Variants in RBFOX2 observed in about 807,000 individuals in gnomAD.
The protein encoded by RBFOX2 is RNA binding fox-1 homolog 2, also known as RNA binding protein fox-1 homolog 2.
RBFOX2 carries 10 observed loss-of-function variants against 49.1 expected under a neutral mutation model. That is an observed-to-expected ratio of 0.20 (90% CI 0.13 to 0.35). RBFOX2 has a LOEUF of 0.35. Ranked by LOEUF, RBFOX2 falls within the 10% of genes least tolerant of loss-of-function variation. The pLI is 1.00. For synonymous variants in RBFOX2, 183 were observed against 187.4 expected, an observed-to-expected ratio of 0.98 and a Z score of 0.19; for missense variants, 323 against 486.9, an observed-to-expected ratio of 0.66 and a Z score of 3.17.
At chr22:35,904,292 CA>C (rs935282936) in intron 1 of RBFOX2, among the ~76,000 whole-genome samples, 2 of 152,152 alleles carry the variant, frequency 1.3e-5, no homozygotes, top group Non-Finnish European at 2.9e-5. Flanking sequence ...TAGCAGTTAC[CA>C]AAATCTTTAA....
intron 1 of RBFOX2, among the ~76,000 whole-genome samples, chr22:35,908,293 A>G (rs2049351437): frequency 1.3e-5 from 2 of 152,204 alleles, no homozygotes; most frequent in Non-Finnish European, 2.9e-5. Context: ...TTACAATGGG[A>G]TTTTGTCCCT....
chr22:35,961,683 C>T, upstream of RBFOX2: 3 of 1,303,158 alleles, frequency 2.3e-6, no homozygotes, highest in South Asian at 2.5e-5. Flanking sequence ...GGTAACCTCA[C>T]CTCCTCCTGC....
At chr22:35,809,813 G>C in exon 2 of RBFOX2, 1 of 1,613,992 alleles carries the variant, frequency 6.2e-7, no homozygotes, top group South Asian at 1.1e-5. Flanking sequence ...TGGGTGAGTT[G>C]CTGCTCTGCT....
chr22:35,873,909 G>T (rs531761630), intron 1 of RBFOX2, among the ~76,000 whole-genome samples: 6 of 152,168 alleles, frequency 3.9e-5, no homozygotes, highest in African/African-American at 1.4e-4. Context: ...TCGAACTCCT[G>T]GCCTCAAGTG....
chr22:35,999,035 G>A (rs2058304567), intron 1 of RBFOX2: 1 of 152,496 alleles, frequency 6.6e-6, no homozygotes, highest in South Asian at 2.1e-4. Context: ...GCAACATGAG[G>A]AAGCCAACAG....
intron 1 of RBFOX2, chr22:35,897,282 G>A: frequency 6.6e-7 from 1 of 1,508,178 alleles, no homozygotes. Context: ...GACGGTCTTG[G>A]CCAGCTTCAC....
At chr22:35,812,278 A>G (rs1603257899) in intron 1 of RBFOX2, among the ~76,000 whole-genome samples, 2 of 152,048 alleles carry the variant, frequency 1.3e-5, no homozygotes, top group Non-Finnish European at 2.9e-5. Context: ...AAGATAGAAA[A>G]AAAAAAAAAC....
chr22:35,789,254 G>A (rs1982768264), intron 2 of RBFOX2, among the ~76,000 whole-genome samples: 1 of 152,114 alleles, frequency 6.6e-6, no homozygotes, highest in African/African-American at 2.4e-5. Context: ...GTGGATAAGA[G>A]ACCGTAGGCC....
At chr22:35,913,951 T>C (rs1268553982) in intron 1 of RBFOX2, among the ~76,000 whole-genome samples, 1 of 152,176 alleles carries the variant, frequency 6.6e-6, no homozygotes, top group Non-Finnish European at 1.5e-5. Context: ...TTTGCTGCTT[T>C]CAGGTGATGG....
chr22:35,899,474 A>T (rs2048300934), intron 1 of RBFOX2, among the ~76,000 whole-genome samples: 1 of 151,756 alleles, frequency 6.6e-6, no homozygotes, highest in African/African-American at 2.4e-5. Flanking sequence ...CCTTTATGAA[A>T]ACATACAAAA....
chr22:36,001,217 ACACACACACACACACAC>A (rs1312474748), intron 1 of RBFOX2, among the ~76,000 whole-genome samples: 25 of 148,018 alleles, frequency 1.7e-4, no homozygotes, highest in African/African-American at 3.7e-4. Flanking sequence ...ACACACACAC[ACACACACACACACACAC>A]TATATGTATA....
At position 35,944,074 on chromosome 22, in the gene RBFOX2, T is replaced by C. The variant is rs749326972; in HGVS notation, c.43-5177A>G. Among the ~76,000 whole-genome samples the C allele has an allele frequency of 2.0e-4, 31 of 152,254 alleles. 1 individual carries two copies. Among genetic ancestry groups the C allele is most frequent in the Admixed American group, 6.5e-5 (1 of 15,294 alleles). The stretch of plus-strand genomic sequence containing the variant: ...TTTAAGCAGAAGAATCCTTCACTTA[T>C]TCAGTAAGAGTGGATTGAACAACTG... On this transcript the variant is annotated intron_variant, in intron 1 of 5. Transcript: ENST00000408983.
intron 4 of RBFOX2, among the ~76,000 whole-genome samples, chr22:35,774,089 T>C (rs996490298): frequency 1.9e-4 from 29 of 152,256 alleles, no homozygotes; most frequent in African/African-American, 6.5e-4. Context: ...TTAAGCATCA[T>C]GTTTTCCTTT....
At chr22:35,984,013 A>G (rs760633431) in intron 1 of RBFOX2, among the ~76,000 whole-genome samples, 3 of 152,102 alleles carry the variant, frequency 2.0e-5, no homozygotes, top group Non-Finnish European at 4.4e-5. Flanking sequence ...CCACTCAGAT[A>G]ATTTTTTTAA....
At chr22:35,747,583 C>T (rs1416284145) in intron 9 of RBFOX2, 2 of 152,208 alleles carry the variant, frequency 1.3e-5, no homozygotes, top group South Asian at 4.1e-4. Context: ...ATCACAACAA[C>T]AAATGCTTGC....
At chr22:35,890,822 T>C (rs2047149128) in intron 1 of RBFOX2, among the ~76,000 whole-genome samples, 1 of 151,756 alleles carries the variant, frequency 6.6e-6, no homozygotes, top group Non-Finnish European at 1.5e-5. Flanking sequence ...CAAAAAAAAA[T>C]CAGGTTCTCC....
intron 1 of RBFOX2, among the ~76,000 whole-genome samples, chr22:35,925,240 C>T (rs1050498367): frequency 2.6e-5 from 4 of 151,318 alleles, no homozygotes; most frequent in Non-Finnish European, 5.9e-5. Context: ...AGTAGAAGGC[C>T]GGGTGCAGTG....
Position 35,886,148 on chromosome 22 carries a change from G to C in RBFOX2, c.-34+52699C>G, listed in dbSNP as rs371652998. 8.3e-4 allele frequency among the ~76,000 whole-genome samples: 126 copies of C among 152,090 alleles called. No homozygotes were observed. The South Asian group carries it at 0.025, about 30-fold the overall frequency. On this transcript the variant is annotated intron_variant, in intron 1 of 13. Coordinates refer to the RBFOX2 transcript ENST00000359369. ...TGGGATTACAGGCGTGAGCCACCGC[G>C]CCCGGCCCAAACACAATATTTTAGT...
chr22:35,943,111 A>G (rs1424418642), upstream of RBFOX2, among the ~76,000 whole-genome samples: 1 of 152,234 alleles, frequency 6.6e-6, no homozygotes, highest in Non-Finnish European at 1.5e-5. Flanking sequence ...CAATACTTCT[A>G]CTACTTCATG....
Sources: gnomAD v4.1 joint callset for allele counts (sites outside exome capture counted in the v4.1 genomes callset) on GRCh38, gnomAD v4.1.1 for gene constraint, MANE v1.5 for transcripts, NCBI Gene and HGNC (gene_info 2026-07-23, HGNC 2026-07-21) for gene names.